Variants in MTMR4 observed in about 807,000 individuals in gnomAD.
MTMR4 encodes phosphatidylinositol-3,5-bisphosphate 3-phosphatase MTMR4.
In MTMR4, 30 loss-of-function variants were observed where a neutral mutation model predicts 125.5. That is an observed-to-expected ratio of 0.24 (90% CI 0.18 to 0.32). The LOEUF (loss-of-function observed/expected upper bound fraction) is 0.32, where lower values mean the gene tolerates loss of function less well. Among genes scored for constraint, MTMR4 ranks in the 10% least tolerant of loss-of-function variants. The pLI is 1.00. For synonymous variants in MTMR4, 498 were observed against 564.5 expected, an observed-to-expected ratio of 0.88 and a Z score of 1.67; for missense variants, 1,039 against 1,511.5, an observed-to-expected ratio of 0.69 and a Z score of 5.18.
chr17:58,497,032 A>G (rs1342627469), intron 14 of MTMR4, among the ~76,000 whole-genome samples: 1 of 152,162 alleles, frequency 6.6e-6, no homozygotes, highest in Non-Finnish European at 1.5e-5. Flanking sequence ...AGTATATAGC[A>G]CTCAGAGTTC....
At position 58,499,140 on chromosome 17, in the gene MTMR4, G is replaced by T. The variant is rs541580652; in HGVS notation, c.1854-2810C>A. ...ATCAAAATAAACTCTTCACTGTAATGTTTAAAGCCTTCAATGCCCTCAATG... is the reference window on the plus strand; with the variant it reads ...ATCAAAATAAACTCTTCACTGTAATTTTTAAAGCCTTCAATGCCCTCAATG... On this transcript the variant is annotated intron_variant, in intron 14 of 17. Transcript: ENST00000682306. Among the ~76,000 whole-genome samples, 573 of 151,838 alleles carry T rather than the reference G, an allele frequency of 3.8e-3. 3 individuals carry two copies. The highest frequency in any genetic ancestry group is 5.7e-3 in the Non-Finnish European group (390 of 67,996).
chr17:58,495,405 T>A lies in MTMR4; in HGVS notation c.2779A>T (p.Met927Leu). Residue 927 changes from methionine (M) to leucine (L), a missense_variant, in exon 15 of 18, where the codon ATG becomes TTG. By Grantham distance (15) the Met-to-Leu change is conservative. This residue lies in a region of MTMR4 where 619 missense variants were observed against 714.5 expected (regional missense o/e 0.87). Coordinates refer to ENST00000682306, the MANE Select transcript of MTMR4 (RefSeq NM_001378067.1). ...LGSNWDSFQG[M>L]VTSFPSGEAT... ...TCCCCACTTGGGAATGAAGTCACCA[T>A]CCCTTGGAAGCTGTCCCAGTTGGAC... is the stretch of plus-strand genomic sequence containing the variant. The A allele has an allele frequency of 6.2e-7, 1 of 1,614,218 alleles. No individual in the cohort carries two copies. Among genetic ancestry groups the A allele is most frequent in the Non-Finnish European group, 8.5e-7 (1 of 1,180,038 alleles).
chr17:58,511,729 G>A (rs1300689731), intron 3 of MTMR4, among the ~76,000 whole-genome samples: 1 of 152,154 alleles, frequency 6.6e-6, no homozygotes, highest in African/African-American at 2.4e-5. Flanking sequence ...CCCATATTAC[G>A]AGGAGAAAAA....
At chr17:58,503,928 G>C in intron 13 of MTMR4, 30 bp from the exon 14 acceptor site, 2 of 1,597,722 alleles carry the variant, frequency 1.3e-6, no homozygotes, top group East Asian at 2.2e-5. Flanking sequence ...CTAGTGCTTT[G>C]TCAAGAGTTC....
At chr17:58,514,732 C>T, upstream of MTMR4, 1 of 933,174 alleles carries the variant, frequency 1.1e-6, no homozygotes, top group Non-Finnish European at 1.3e-6. Flanking sequence ...CAGCCTCCTC[C>T]CTCCCCGCGG....
At chr17:58,500,632 C>T (rs1975594888) in intron 14 of MTMR4, among the ~76,000 whole-genome samples, 1 of 151,628 alleles carries the variant, frequency 6.6e-6, no homozygotes. Flanking sequence ...CACCTGTAGT[C>T]CCAGATACTC....
upstream of MTMR4, among the ~76,000 whole-genome samples, chr17:58,518,352 C>T (rs929131190): frequency 3.3e-5 from 5 of 152,184 alleles, no homozygotes; most frequent in Non-Finnish European, 7.3e-5. Context: ...CTCAGTTTAT[C>T]CATTCCCGTT....
chr17:58,518,257 C>T (rs1022275896), upstream of MTMR4, among the ~76,000 whole-genome samples: 2 of 152,198 alleles, frequency 1.3e-5, no homozygotes, highest in Admixed American at 1.3e-4. Flanking sequence ...CAATTAGAGG[C>T]GGGCATTGTA....
At position 58,495,293 on chromosome 17, in the gene MTMR4, C is replaced by T; in HGVS notation, c.2891G>A (p.Gly964Glu). 6.2e-7 allele frequency: 1 copy of T among 1,614,230 alleles called. No individual in the cohort carries two copies. The highest frequency in any genetic ancestry group is 8.5e-7 in the Non-Finnish European group (1 of 1,180,050). ...ACCTTCTCTCTGAGCCCACTGGCCCCCAAAGCAGGGCCCTGTGGCCCGCAT... is the reference window on the plus strand; with the variant it reads ...ACCTTCTCTCTGAGCCCACTGGCCCTCAAAGCAGGGCCCTGTGGCCCGCAT... ...KQMRATGPCF[G>E]GQWAQREGVK... Residue 964 changes from glycine (G) to glutamate (E), a missense_variant, in exon 15 of 18, where the codon GGG (glycine) becomes GAG (glutamate). Gly to Glu is a moderately conservative substitution (Grantham distance 98). Around this residue, in one of 6 missense-constraint regions of MTMR4, gnomAD observed 619 missense variants for 714.5 expected, o/e 0.87. Coordinates refer to ENST00000682306, the MANE Select transcript of MTMR4 (RefSeq NM_001378067.1).
At chr17:58,491,891 C>T (rs1171635619) in intron 17 of MTMR4, 51 bp from the exon 18 acceptor site, 1 of 1,567,432 alleles carries the variant, frequency 6.4e-7, no homozygotes. Context: ...AATATACTGG[C>T]CAGGCAGGGT....
intron 1 of MTMR4, 70 bp downstream of exon 1, chr17:58,514,293 A>C (rs1976023088): frequency 3.0e-6 from 3 of 987,122 alleles, no homozygotes; most frequent in Non-Finnish European, 3.6e-6. Flanking sequence ...GGATGGGCTG[A>C]AATCGAGGGC....
chr17:58,516,750 TCCACAA>T, upstream of MTMR4: 3 of 781,412 alleles, frequency 3.8e-6, no homozygotes, highest in East Asian at 2.5e-5. Flanking sequence ...CTCCAGTCTC[TCCACAA>T]GTCACCATGC....
In MTMR4 at chr17:58,508,892, A is replaced by G. The variant is rs1297159284; in HGVS notation, c.336-51T>C. The G allele has an allele frequency of 1.9e-6, 3 of 1,586,972 alleles. No homozygotes were observed. The East Asian group carries it at 6.8e-5, about 36-fold the overall frequency. On this transcript the variant is annotated intron_variant, in intron 4 of 17. Transcript: ENST00000682306. The surrounding 1 kb of genome is among the most constrained non-coding windows in gnomAD (Gnocchi z 4.8). ...AGGTGAGGCAAAGTGCAGTTGTGCC[A>G]TGGGGCTATCAGGGCCAAAAACACA...
upstream of MTMR4, chr17:58,514,967 C>G (rs1396923301): frequency 1.0e-6 from 1 of 978,930 alleles, no homozygotes; most frequent in African/African-American, 1.8e-5. Context: ...TTGCTTCCTC[C>G]TTTCCCTCCA....
intron 14 of MTMR4, among the ~76,000 whole-genome samples, chr17:58,501,575 G>A (rs1273813250): frequency 6.6e-6 from 1 of 150,726 alleles, no homozygotes; most frequent in Non-Finnish European, 1.5e-5. Flanking sequence ...ATATATGTGT[G>A]TATATATATA....
chr17:58,514,701 C>G, upstream of MTMR4: 4 of 978,288 alleles, frequency 4.1e-6, no homozygotes, highest in Non-Finnish European at 3.6e-6. Flanking sequence ...GGGGCGGCTC[C>G]GCGGGCCCCG....
chr17:58,518,030 T>C (rs1217456123), upstream of MTMR4: 1 of 152,524 alleles, frequency 6.6e-6, no homozygotes, highest in Non-Finnish European at 1.5e-5. Context: ...CACTCATTGG[T>C]CGAGTCGGGC....
rs1975792890 is a variant in MTMR4 at position 58,506,970 on chromosome 17, A to G, written c.905-99T>C. ...CTCAGAAGGCAGAACATGCAACTAG[A>G]GACCCCTCATACCCCACAGCTTCTG... On this transcript the variant is annotated intron_variant, in intron 8 of 17. Transcript: ENST00000682306. 1.9e-6 allele frequency: 3 copies of G among 1,557,566 alleles called. No individual in the cohort carries two copies. In the Admixed American group the frequency reaches 5.5e-5, roughly 28 times the overall value.
chr17:58,517,241 C>T (rs1488404365), upstream of MTMR4, among the ~76,000 whole-genome samples: 1 of 152,234 alleles, frequency 6.6e-6, no homozygotes, highest in African/African-American at 2.4e-5. Context: ...GGGACAGAAT[C>T]AGGCCAATCC....
Sources: gnomAD v4.1 joint callset for allele counts (sites outside exome capture counted in the v4.1 genomes callset) on GRCh38, gnomAD v4.1.1 for gene constraint, gnomAD v4.1.1 regional missense constraint, Gnocchi (gnomAD v3.1) non-coding constraint, MANE v1.5 for transcripts, NCBI Gene and HGNC (gene_info 2026-07-23, HGNC 2026-07-21) for gene names.